USP30: variants seen among roughly 807,000 people sequenced by gnomAD.
USP30 encodes ubiquitin carboxyl-terminal hydrolase 30.
Under a neutral mutation model 68.2 loss-of-function variants are expected in USP30, and 41 were observed. That is an observed-to-expected ratio of 0.60 (90% CI 0.47 to 0.78). The LOEUF (loss-of-function observed/expected upper bound fraction) is 0.78. Among genes scored for constraint, USP30 ranks in the 30% least tolerant of loss-of-function variants. USP30 has a pLI of 0.00. For synonymous variants in USP30, 229 were observed against 253.7 expected (o/e 0.90, Z 0.93); for missense variants, 522 against 649.4 (o/e 0.80, Z 2.13).
At chr12:109,045,295 G>A (rs1226087150) in intron 3 of USP30, among the ~76,000 whole-genome samples, 1 of 152,100 alleles carries the variant, frequency 6.6e-6, no homozygotes, top group African/African-American at 2.4e-5. Flanking sequence ...CTTTCCAAAG[G>A]GATAAGAGGT....
intron 3 of USP30, among the ~76,000 whole-genome samples, chr12:109,042,087 T>A (rs2135673497): frequency 6.6e-6 from 1 of 151,902 alleles, no homozygotes; most frequent in South Asian, 2.1e-4. Context: ...CATATCCTTT[T>A]AGTCATTTTT....
chr12:109,074,450 G>C (rs929792875), intron 7 of USP30, among the ~76,000 whole-genome samples: 2 of 152,180 alleles, frequency 1.3e-5, no homozygotes, highest in Non-Finnish European at 2.9e-5. Flanking sequence ...GGAACTGCCA[G>C]ACTGTTTTCC....
rs1023981431 is a variant in USP30, at chr12:109,082,444, T to G, written c.868-219T>G. On this transcript the variant is annotated intron_variant, in intron 9 of 12. Coordinates refer to ENST00000257548, the MANE Select transcript of USP30 (RefSeq NM_032663.5). The stretch of plus-strand genomic sequence containing the variant: ...TGACATGCCAGTGTCAGAGCATCAG[T>G]GTTCGCTCTTCACATTCTCTTCCCT... 3 of 580,458 alleles carry G rather than the reference T, an allele frequency of 5.2e-6. No homozygotes were observed. In the African/African-American group the frequency reaches 5.6e-5, roughly 11 times the overall value. 36.0% of individuals were successfully genotyped at this position (580,458 alleles called of 1,614,324 possible).
chr12:109,023,223 A>G (rs2135642974), intron 1 of USP30: 2 of 152,286 alleles, frequency 1.3e-5, no homozygotes, highest in East Asian at 3.9e-4. Flanking sequence ...GGGGCTCTCT[A>G]GGGCTCTATG....
intron 1 of USP30, among the ~76,000 whole-genome samples, chr12:109,054,985 C>T (rs2135704320): frequency 6.6e-6 from 1 of 152,288 alleles, no homozygotes; most frequent in East Asian, 1.9e-4. Flanking sequence ...ACAATATTCA[C>T]ATGATCCAAA....
At position 109,086,471 on chromosome 12, in the gene USP30, A is replaced by G. The variant is rs938681803; in HGVS notation, c.*540A>G. On this transcript the variant is annotated 3_prime_UTR_variant, in exon 13 of 13. Coordinates refer to ENST00000257548, the MANE Select transcript of USP30 (RefSeq NM_032663.5). ...CAAAGGATAGCAAGAGAACAGGTAA[A>G]TGATGCCTAAAGAACACCTTCCTTT... 6.5e-6 allele frequency: 1 copy of G among 153,128 alleles called. No individual in the cohort carries two copies. Among genetic ancestry groups the G allele is most frequent in the African/African-American group, 2.4e-5 (1 of 41,474 alleles). 9.5% of individuals were successfully genotyped at this position (153,128 alleles called of 1,614,324 possible).
chr12:109,053,458 G>A (rs1200498155), intron 1 of USP30, among the ~76,000 whole-genome samples: 1 of 152,052 alleles, frequency 6.6e-6, no homozygotes, highest in Non-Finnish European at 1.5e-5. Context: ...AATCCTGTCA[G>A]GGCCCCCATT....
chr12:109,058,465 A>G (rs1593247463), intron 3 of USP30, among the ~76,000 whole-genome samples: 1 of 152,066 alleles, frequency 6.6e-6, no homozygotes, highest in East Asian at 1.9e-4. Flanking sequence ...CCAGCTACTC[A>G]GGAGGCTGAG....
chr12:109,067,719 A>C, intron 4 of USP30, 92 bp downstream of exon 4: 1 of 1,091,362 alleles, frequency 9.2e-7, no homozygotes, highest in Non-Finnish European at 1.4e-6. Flanking sequence ...CCCAGTGTAC[A>C]TTTCTGTGAC....
Position 109,082,014 on chromosome 12 carries a change from A to G in USP30, c.862A>G (p.Thr288Ala). The change falls in exon 9 of 13, where the codon ACA becomes GCA. Residue 288 changes from threonine to alanine, a missense_variant. Transcript: ENST00000257548. ...SVRDVVCDNC[T>A]KIEAKGTLNG... ...GCGGGATGTTGTGTGTGACAACTGT[A>G]CAAAGGTATGCATTGAACCCCAAAT... 1.2e-6 allele frequency: 2 copies of G among 1,614,200 alleles called. No individual in the cohort carries two copies. Among genetic ancestry groups the G allele is most frequent in the Non-Finnish European group, 1.7e-6 (2 of 1,180,030 alleles).
intron 3 of USP30, among the ~76,000 whole-genome samples, chr12:109,044,723 C>T (rs985592393): frequency 6.6e-6 from 1 of 152,030 alleles, no homozygotes; most frequent in Non-Finnish European, 1.5e-5. Context: ...ATGGAAAAAT[C>T]CTCTCAAATG....
At chr12:109,046,213 T>C (rs1292284760) in intron 3 of USP30, among the ~76,000 whole-genome samples, 3 of 149,050 alleles carry the variant, frequency 2.0e-5, no homozygotes, top group Non-Finnish European at 3.0e-5. Flanking sequence ...GTGATTCCCC[T>C]GCCTCAGCCT....
In USP30 at chr12:109,070,851, C is replaced by T. The variant is rs1428890676; in HGVS notation, c.481-761C>T. Among the ~76,000 whole-genome samples the T allele has an allele frequency of 1.3e-5, 2 of 152,178 alleles. No homozygotes were observed. The highest frequency in any genetic ancestry group is 2.9e-5 in the Non-Finnish European group (2 of 68,040). On this transcript the variant is annotated intron_variant, in intron 4 of 12. Coordinates refer to ENST00000257548, the MANE Select transcript of USP30 (RefSeq NM_032663.5). This position sits in a 1 kb window ranked among gnomAD's most constrained non-coding sequence, Gnocchi z 4.0. The stretch of plus-strand genomic sequence containing the variant: ...ATTTGTATACTCAGGTTAATAGCAG[C>T]ATGTTCGCAATAGCCAAGGGGTAGA...
upstream of USP30, among the ~76,000 whole-genome samples, chr12:109,050,790 C>G (rs1376896898): frequency 6.6e-6 from 1 of 152,020 alleles, no homozygotes; most frequent in African/African-American, 2.4e-5. Context: ...GGATGGATCA[C>G]GAGGTCAGGA....
exon 1 of USP30, chr12:109,023,114 A>C (rs2040419021): frequency 6.6e-6 from 1 of 152,266 alleles, no homozygotes; most frequent in Admixed American, 6.5e-5. Flanking sequence ...TAGCTGGGAA[A>C]GGGAGCTGGA....
chr12:109,032,300 T>C (rs2040488610), intron 3 of USP30, among the ~76,000 whole-genome samples: 1 of 152,060 alleles, frequency 6.6e-6, no homozygotes, highest in African/African-American at 2.4e-5. Flanking sequence ...TGATACTGTC[T>C]AAAAAACAAA....
At chr12:109,077,463 C>A (rs533989559) in intron 7 of USP30, among the ~76,000 whole-genome samples, 1 of 152,326 alleles carries the variant, frequency 6.6e-6, no homozygotes, top group East Asian at 1.9e-4. Flanking sequence ...GACTCCTTGA[C>A]TTGAAGTCTA....
chr12:109,067,689 T>A, intron 4 of USP30, 62 bp downstream of exon 4: 5 of 1,439,812 alleles, frequency 3.5e-6, no homozygotes, highest in South Asian at 1.2e-5. Context: ...ACTTGGGGCC[T>A]GACCTTAAAA....
chr12:109,060,259 GTGGCCATTT>G (rs548467227), intron 3 of USP30, among the ~76,000 whole-genome samples: 232 of 152,336 alleles, frequency 1.5e-3, no homozygotes, highest in South Asian at 0.011. Context: ...AATGTTAGCA[GTGGCCATTT>G]TGGTATTGTG....
Sources: gnomAD v4.1 joint callset for allele counts (sites outside exome capture counted in the v4.1 genomes callset) on GRCh38, gnomAD v4.1.1 for gene constraint, Gnocchi (gnomAD v3.1) non-coding constraint, MANE v1.5 for transcripts, NCBI Gene and HGNC (gene_info 2026-07-23, HGNC 2026-07-21) for gene names.